PTPRN2: variants seen among roughly 807,000 people sequenced by gnomAD.
PTPRN2 encodes the protein protein tyrosine phosphatase receptor type N2, also known as receptor-type tyrosine-protein phosphatase N2.
PTPRN2 carries 74 observed loss-of-function variants against 118.8 expected under a neutral mutation model. That is an observed-to-expected ratio of 0.62 (90% confidence interval 0.52 to 0.76). PTPRN2 has a LOEUF of 0.76. PTPRN2 is among the 30% of genes least tolerant of loss of function. The pLI is 0.00. For synonymous variants in PTPRN2, 641 were observed against 608.0 expected, an observed-to-expected ratio of 1.05 and a Z score of -0.80; for missense variants, 1,481 against 1,394.4, an observed-to-expected ratio of 1.06 and a Z score of -0.99.
chr7:157,836,038 A>G (rs1167900255), intron 12 of PTPRN2, among the ~76,000 whole-genome samples: 1 of 152,192 alleles, frequency 6.6e-6, no homozygotes, highest in Non-Finnish European at 1.5e-5. Context: ...TATGAAGAGT[A>G]CTCGTGAGTC....
chr7:158,059,758 C>A (rs1159840019), intron 11 of PTPRN2, among the ~76,000 whole-genome samples: 19 of 103,106 alleles, frequency 1.8e-4, no homozygotes, highest in East Asian at 6.6e-4. Context: ...CTCCATCTGC[C>A]CACGGTGACG....
chr7:157,550,522 G>A lies in PTPRN2; in HGVS notation c.2903-1503C>T, dbSNP rs2117012071. ...CGGGCGCGAGATGACCACCCCACCT[G>A]CCCTGCCTGGCTGGTGGGTCTCCCC... On this transcript the variant is annotated intron_variant, in intron 21 of 22. Transcript: ENST00000389418. The surrounding 1 kb of genome is among the most constrained non-coding windows in gnomAD (Gnocchi z 5.2). Among the ~76,000 whole-genome samples the A allele has an allele frequency of 6.6e-6, 1 of 152,338 alleles. No homozygotes were observed. The highest frequency in any genetic ancestry group is 2.1e-4 in the South Asian group (1 of 4,826).
At chr7:158,105,452 C>A in intron 10 of PTPRN2, among the ~76,000 whole-genome samples, 1 of 151,640 alleles carries the variant, frequency 6.6e-6, no homozygotes, top group East Asian at 1.9e-4. Context: ...CTCCATCAAA[C>A]TCCACCCTAG....
intron 14 of PTPRN2, among the ~76,000 whole-genome samples, chr7:157,646,619 C>T (rs559020203): frequency 1.3e-5 from 2 of 152,276 alleles, no homozygotes; most frequent in South Asian, 2.1e-4. Context: ...CAGGGGAGGC[C>T]CTTGCACAGG....
At chr7:157,544,771 G>A (rs1331096826) in intron 22 of PTPRN2, among the ~76,000 whole-genome samples, 1 of 152,242 alleles carries the variant, frequency 6.6e-6, no homozygotes, top group Non-Finnish European at 1.5e-5. Context: ...GGGAGAGAGG[G>A]GTGATTTCAG....
At chr7:158,442,303 A>G (rs1347833152) in intron 2 of PTPRN2, among the ~76,000 whole-genome samples, 3 of 152,130 alleles carry the variant, frequency 2.0e-5, no homozygotes, top group Non-Finnish European at 4.4e-5. Context: ...TACAATGTGT[A>G]AAGAAGCTGA....
rs1801941695 is a variant in PTPRN2 at position 157,758,501 on chromosome 7, G to A, written c.1789-75564C>T. Among the ~76,000 whole-genome samples, 4 of 152,240 alleles carry A rather than the reference G, an allele frequency of 2.6e-5. No homozygotes were observed. In the South Asian group the frequency reaches 8.3e-4, roughly 31 times the overall value. On this transcript the variant is annotated intron_variant, in intron 12 of 22. Transcript: ENST00000389418. ...CCCCGTGCAGCTCTGGGTCCAGCTGGCCAAGGTGGACTTTGCACAAGGTTT... is the reference window on the plus strand; with the variant it reads ...CCCCGTGCAGCTCTGGGTCCAGCTGACCAAGGTGGACTTTGCACAAGGTTT...
chr7:158,529,602 G>T lies in PTPRN2; in HGVS notation c.113-39817C>A, dbSNP rs1586881449. On this transcript the variant is annotated intron_variant, in intron 1 of 22. Coordinates refer to ENST00000389418, the MANE Select transcript of PTPRN2 (RefSeq NM_002847.5). The surrounding 1 kb of genome is among the most constrained non-coding windows in gnomAD (Gnocchi z 4.7). ...GTCAAATGTGGGGAGAGTGGCAACT[G>T]TGTGAGTCTGGGCTCCAATCAGCAG... Among the ~76,000 whole-genome samples, 1 of 152,202 alleles carries T rather than the reference G, an allele frequency of 6.6e-6. No homozygotes were observed. Among genetic ancestry groups the T allele is most frequent in the Non-Finnish European group, 1.5e-5 (1 of 68,036 alleles).
intron 2 of PTPRN2, among the ~76,000 whole-genome samples, chr7:158,347,447 A>G (rs1257191843): frequency 6.6e-6 from 1 of 152,086 alleles, no homozygotes; most frequent in Non-Finnish European, 1.5e-5. Context: ...CTGTTCCATT[A>G]GTTGATGTGT....
chr7:158,533,444 G>C (rs1234730299), intron 1 of PTPRN2, among the ~76,000 whole-genome samples: 1 of 152,198 alleles, frequency 6.6e-6, no homozygotes, highest in African/African-American at 2.4e-5. Flanking sequence ...TCGCACCTTT[G>C]CCTTCCACTG....
At chr7:158,084,090 T>C (rs971956474) in intron 10 of PTPRN2, among the ~76,000 whole-genome samples, 4 of 152,148 alleles carry the variant, frequency 2.6e-5, no homozygotes, top group African/African-American at 9.7e-5. Context: ...CTCTTGGACT[T>C]GCTTTGGCCT....
chr7:157,901,880 GCGGGGCC>G (rs1797475980), intron 11 of PTPRN2, among the ~76,000 whole-genome samples: 3 of 139,358 alleles, frequency 2.2e-5, no homozygotes, highest in Admixed American at 7.5e-5. Context: ...GGGTCCTGAG[GCGGGGCC>G]TTCCCGTCCG....
At chr7:158,423,267 C>T (rs1815411316) in intron 2 of PTPRN2, among the ~76,000 whole-genome samples, 1 of 152,262 alleles carries the variant, frequency 6.6e-6, no homozygotes, top group South Asian at 2.1e-4. Flanking sequence ...GCTGCTGGGC[C>T]AGACCTGAGC....
intron 9 of PTPRN2, among the ~76,000 whole-genome samples, chr7:158,115,461 A>G (rs1231281484): frequency 6.6e-6 from 1 of 152,122 alleles, no homozygotes; most frequent in Non-Finnish European, 1.5e-5. Context: ...GCTGCTATGA[A>G]CTAATTGTGA....
chr7:158,002,163 C>T (rs1038915969), intron 11 of PTPRN2, among the ~76,000 whole-genome samples: 1 of 152,184 alleles, frequency 6.6e-6, no homozygotes, highest in Non-Finnish European at 1.5e-5. Context: ...AACTGAGGTG[C>T]AAAGCGGGGG....
chr7:157,776,887 CCAT>C (rs1803354635), intron 12 of PTPRN2, among the ~76,000 whole-genome samples: 2 of 109,042 alleles, frequency 1.8e-5, no homozygotes, highest in Non-Finnish European at 3.8e-5. Context: ...CTCTCCTCCT[CCAT>C]CTCCTCCTCC....
intron 5 of PTPRN2, among the ~76,000 whole-genome samples, chr7:158,178,356 C>T (rs1177010937): frequency 2.0e-5 from 3 of 152,082 alleles, no homozygotes; most frequent in Non-Finnish European, 2.9e-5. Flanking sequence ...CCCTCTCACC[C>T]TCCCGCTTCT....
intron 10 of PTPRN2, among the ~76,000 whole-genome samples, chr7:158,099,007 CAACA>C (rs1363046613): frequency 4.7e-4 from 15 of 31,848 alleles, no homozygotes; most frequent in South Asian, 1.6e-3. Flanking sequence ...CTTCCTCCCC[CAACA>C]CATCCCGGCT....
intron 21 of PTPRN2, among the ~76,000 whole-genome samples, chr7:157,551,432 G>A (rs546914486): frequency 6.6e-6 from 1 of 152,056 alleles, no homozygotes; most frequent in East Asian, 1.9e-4. Flanking sequence ...GACCCCAGCT[G>A]GGGCTCACCC....
Sources: allele counts gnomAD v4.1 joint callset (sites outside exome capture counted in the v4.1 genomes callset), GRCh38; gene constraint gnomAD v4.1.1; non-coding constraint Gnocchi (gnomAD v3.1); transcripts MANE v1.5; gene names NCBI Gene and HGNC (gene_info 2026-07-23, HGNC 2026-07-21).